Variants in NFIX observed in about 807,000 individuals in gnomAD.
The protein encoded by NFIX is nuclear factor 1 X-type.
A neutral mutation model predicts 53.3 loss-of-function variants in NFIX; 2 were observed. That is an observed-to-expected ratio of 0.04 (90% confidence interval 0.02 to 0.12). The LOEUF (loss-of-function observed/expected upper bound fraction) is 0.12, where lower values mean the gene tolerates loss of function less well. Ranked by LOEUF, NFIX falls within the 10% of genes least tolerant of loss-of-function variation. The pLI, the probability that NFIX is intolerant of heterozygous loss-of-function variation, is 1.00. For missense variants in NFIX, 310 were observed against 674.5 expected (o/e 0.46, Z 5.99); for synonymous variants, 244 against 289.0 (o/e 0.84, Z 1.58).
At chr19:13,053,808 T>G (rs2015475909) in intron 2 of NFIX, among the ~76,000 whole-genome samples, 1 of 152,126 alleles carries the variant, frequency 6.6e-6, no homozygotes. Context: ...AACCTGCCAC[T>G]GCTGGGGTTG....
chr19:13,050,334 C>T (rs988976685), intron 2 of NFIX, among the ~76,000 whole-genome samples: 8 of 152,258 alleles, frequency 5.3e-5, no homozygotes, highest in African/African-American at 1.9e-4. Context: ...TTTTGTCTGA[C>T]GGCCTCTATC....
At chr19:13,044,034 A>G (rs1180711390) in intron 2 of NFIX, among the ~76,000 whole-genome samples, 1 of 152,110 alleles carries the variant, frequency 6.6e-6, no homozygotes, top group Admixed American at 6.5e-5. Context: ...CGGCCCATGG[A>G]AGCGTAAGTG....
intron 2 of NFIX, among the ~76,000 whole-genome samples, chr19:13,034,226 C>A (rs1051320437): frequency 6.6e-6 from 1 of 152,192 alleles, no homozygotes; most frequent in African/African-American, 2.4e-5. Flanking sequence ...AGAAGAGAGC[C>A]CAGCTTGCGG....
rs1222360280 is a variant in NFIX, at chr19:13,083,307, G to C, written c.1254+1452G>C. ...GGGGTCTGGGATATGCCGCAGAGAGGCCTGGAACATTACCTTACCTGCTTT... is the reference window on the plus strand; with the variant it reads ...GGGGTCTGGGATATGCCGCAGAGAGCCCTGGAACATTACCTTACCTGCTTT... On this transcript the variant is annotated intron_variant, in intron 8 of 10. Coordinates refer to ENST00000592199, the MANE Select transcript of NFIX (RefSeq NM_001365902.3). Among the ~76,000 whole-genome samples, 4 of 152,188 alleles carry C rather than the reference G, an allele frequency of 2.6e-5. 1 individual carries two copies. The highest frequency in any genetic ancestry group is 4.1e-4 in the South Asian group (2 of 4,836).
At chr19:13,064,918 A>C (rs2016311134) in intron 2 of NFIX, among the ~76,000 whole-genome samples, 2 of 152,194 alleles carry the variant, frequency 1.3e-5, no homozygotes, top group South Asian at 4.1e-4. Flanking sequence ...CTTATTATAC[A>C]TGTTTTCTCA....
chr19:13,085,295 G>C (rs2017710507), intron 8 of NFIX, among the ~76,000 whole-genome samples: 1 of 152,166 alleles, frequency 6.6e-6, no homozygotes, highest in African/African-American at 2.4e-5. Flanking sequence ...ATATCAGGCG[G>C]GGATTAGCAT....
chr19:13,084,598 A>G (rs908096520), intron 8 of NFIX, among the ~76,000 whole-genome samples: 1 of 152,238 alleles, frequency 6.6e-6, no homozygotes, highest in African/African-American at 2.4e-5. Flanking sequence ...AGGGCAGTTA[A>G]GAGGATGCCT....
At chr19:13,030,441 C>T (rs2013713079) in intron 2 of NFIX, among the ~76,000 whole-genome samples, 1 of 152,216 alleles carries the variant, frequency 6.6e-6, no homozygotes, top group Non-Finnish European at 1.5e-5. Flanking sequence ...GACTCTCTGT[C>T]ACCTTTACTT....
chr19:13,060,084 G>A lies in NFIX; in HGVS notation c.560-12963G>A, dbSNP rs562610240. ...ATTACAGGCATGAGCCACCGCACCC[G>A]GCCAAGAGGAACGCTTTTGGCCTCC... On this transcript the variant is annotated intron_variant, in intron 2 of 10. Transcript: ENST00000592199. This position sits in a 1 kb window ranked among gnomAD's most constrained non-coding sequence, Gnocchi z 4.3. Among the ~76,000 whole-genome samples, 19 of 152,280 alleles carry A rather than the reference G, an allele frequency of 1.2e-4. No individual in the cohort carries two copies. The South Asian group carries it at 2.1e-3, about 17-fold the overall frequency.
At chr19:13,019,523 A>C (rs1465862268) in intron 1 of NFIX, among the ~76,000 whole-genome samples, 2 of 149,688 alleles carry the variant, frequency 1.3e-5, no homozygotes, top group Non-Finnish European at 3.0e-5. Flanking sequence ...CTTTCTTTTC[A>C]GTTGTGGGCC....
intron 2 of NFIX, among the ~76,000 whole-genome samples, chr19:13,061,466 T>A (rs1338229908): frequency 6.6e-6 from 1 of 152,118 alleles, no homozygotes; most frequent in Non-Finnish European, 1.5e-5. Context: ...GGGAACCACA[T>A]CCCCTGGAGC....
At chr19:13,062,248 G>C (rs1285108449) in intron 2 of NFIX, among the ~76,000 whole-genome samples, 2 of 152,184 alleles carry the variant, frequency 1.3e-5, no homozygotes, top group Non-Finnish European at 2.9e-5. Flanking sequence ...GGCTTTGCAG[G>C]AAGATTAGCA....
intron 8 of NFIX, among the ~76,000 whole-genome samples, chr19:13,085,871 C>T (rs1260433538): frequency 6.6e-6 from 1 of 152,206 alleles, no homozygotes; most frequent in Non-Finnish European, 1.5e-5. Flanking sequence ...GTCGATCCCA[C>T]GTGCTTAGTG....
At position 13,088,224 on chromosome 19, in the gene NFIX, C is replaced by T; in HGVS notation, c.1402+88C>T. On this transcript the variant is annotated intron_variant, in intron 9 of 10. Transcript: ENST00000592199. This position sits in a 1 kb window ranked among gnomAD's most constrained non-coding sequence, Gnocchi z 5.9. ...CACTGCAAAAAGAAAAGCCTTCCCCCTCCCCACCACCAAAGCCCCCCAACC... is the reference window on the plus strand; with the variant it reads ...CACTGCAAAAAGAAAAGCCTTCCCCTTCCCCACCACCAAAGCCCCCCAACC... The T allele has an allele frequency of 6.9e-7, 1 of 1,451,288 alleles. No homozygotes were observed. Among genetic ancestry groups the T allele is most frequent in the South Asian group, 1.3e-5 (1 of 77,586 alleles). The allele number at this position is 1,451,288 out of a possible 1,614,324, so 89.9% of individuals were successfully genotyped here. A position where few individuals can be genotyped will look rare whatever the true frequency, so the allele number is the denominator to read the frequency against.
chr19:13,024,725 T>A (rs1209668187), intron 1 of NFIX: 7 of 1,534,548 alleles, frequency 4.6e-6, no homozygotes, highest in Admixed American at 2.0e-5. Flanking sequence ...TGTGTGTGAG[T>A]GAGTGAGGGA....
In NFIX at chr19:13,051,664, C is replaced by G. The variant is rs2015333676; in HGVS notation, c.560-21383C>G. Reference sequence around the variant, plus strand: ...CTCGGAGAAGCCCAGCCCTCCTCCTCCTCCCTTCTTGGCCCTCTCCTCTCC... The same window carrying G: ...CTCGGAGAAGCCCAGCCCTCCTCCTGCTCCCTTCTTGGCCCTCTCCTCTCC... On this transcript the variant is annotated intron_variant, in intron 2 of 10. Coordinates refer to ENST00000592199, the MANE Select transcript of NFIX (RefSeq NM_001365902.3). This position sits in a 1 kb window ranked among gnomAD's most constrained non-coding sequence, Gnocchi z 5.1. Among the ~76,000 whole-genome samples, 5 of 152,184 alleles carry G rather than the reference C, an allele frequency of 3.3e-5. No individual in the cohort carries two copies. Among genetic ancestry groups the G allele is most frequent in the Admixed American group, 3.3e-4 (5 of 15,290 alleles).
In NFIX at chr19:13,048,382, C is replaced by T. The variant is rs79208375; in HGVS notation, c.559+22830C>T. 9.8e-3 allele frequency among the ~76,000 whole-genome samples: 1,497 copies of T among 152,274 alleles called. 25 individuals are homozygous for T. Among genetic ancestry groups the T allele is most frequent in the African/African-American group, 0.034 (1,422 of 41,536 alleles). ...CACCACCTAGCCAAGCACTTGAGCC[C>T]TCACAACCAGACTAACCACAGGCCG... On this transcript the variant is annotated intron_variant, in intron 2 of 10. Transcript: ENST00000592199.
chr19:13,014,917 G>C lies in NFIX; in HGVS notation c.28-10104G>C, dbSNP rs1163459704. ...GGTGGCTGCGGTGGCCCTTCCGCCAGGTGTGGGGTAGACCGCTTAGAAGGG... is the reference window on the plus strand; with the variant it reads ...GGTGGCTGCGGTGGCCCTTCCGCCACGTGTGGGGTAGACCGCTTAGAAGGG... On this transcript the variant is annotated intron_variant, in intron 1 of 10. Coordinates refer to ENST00000592199, the MANE Select transcript of NFIX (RefSeq NM_001365902.3). This position sits in a 1 kb window ranked among gnomAD's most constrained non-coding sequence, Gnocchi z 4.4. Among the ~76,000 whole-genome samples the C allele has an allele frequency of 6.6e-6, 1 of 152,234 alleles. No individual in the cohort carries two copies. Among genetic ancestry groups the C allele is most frequent in the African/African-American group, 2.4e-5 (1 of 41,462 alleles).
rs2011483881 is a variant in NFIX at position 12,996,758 on chromosome 19, G to A, written c.27+894G>A. ...CCGACAGTGCTGCGGCCACACCGTC[G>A]GGTCAGCCTCGGGCACAACAGCGCC... On this transcript the variant is annotated intron_variant, in intron 1 of 10. Transcript: ENST00000592199. This position sits in a 1 kb window ranked among gnomAD's most constrained non-coding sequence, Gnocchi z 5.2. Among the ~76,000 whole-genome samples, 1 of 152,252 alleles carries A rather than the reference G, an allele frequency of 6.6e-6. No individual in the cohort carries two copies.
Sources: gnomAD v4.1 joint callset for allele counts (sites outside exome capture counted in the v4.1 genomes callset) on GRCh38, gnomAD v4.1.1 for gene constraint, Gnocchi (gnomAD v3.1) non-coding constraint, MANE v1.5 for transcripts, NCBI Gene and HGNC (gene_info 2026-07-23, HGNC 2026-07-21) for gene names.